The following VPS13B variants were observed in gnomAD, a reference collection of about 807,000 sequenced individuals.
VPS13B encodes the protein vacuolar protein sorting 13 homolog B, also known as intermembrane lipid transfer protein VPS13B.
In VPS13B, 285 loss-of-function variants were observed where a neutral mutation model predicts 426.4. The ratio of observed to expected loss-of-function variants is 0.67; its 90% CI spans 0.61 to 0.74. The LOEUF (loss-of-function observed/expected upper bound fraction) is 0.74. VPS13B is among the 30% of genes least tolerant of loss of function. The pLI, the probability that VPS13B is intolerant of heterozygous loss-of-function variation, is 0.00. For missense variants in VPS13B, 4,537 were observed against 4,782.6 expected (o/e 0.95, Z 1.51); for synonymous variants, 1,676 against 1,676.4 (o/e 1.00, Z 0.01).
intron 3 of VPS13B, among the ~76,000 whole-genome samples, chr8:99,067,332 T>C (rs1470247995): frequency 6.6e-6 from 1 of 152,210 alleles, no homozygotes; most frequent in Middle Eastern, 3.2e-3. Context: ...GATGAGTTCA[T>C]GTCCTTTGTA....
chr8:99,560,892 A>G (rs1824882026), intron 31 of VPS13B, among the ~76,000 whole-genome samples: 2 of 152,196 alleles, frequency 1.3e-5, no homozygotes, highest in African/African-American at 4.8e-5. Flanking sequence ...CACAAATTCT[A>G]TCATAACAAA....
chr8:99,786,070 G>A (rs1246957857), intron 43 of VPS13B, among the ~76,000 whole-genome samples: 6 of 152,128 alleles, frequency 3.9e-5, no homozygotes, highest in Admixed American at 2.6e-4. Context: ...CTGGACACTG[G>A]AGCCAGGATG....
chr8:99,153,399 T>C (rs1014381755), intron 14 of VPS13B, among the ~76,000 whole-genome samples: 1 of 152,188 alleles, frequency 6.6e-6, no homozygotes, highest in African/African-American at 2.4e-5. Context: ...CCGCTCTTTT[T>C]TGGCCTTTTG....
intron 17 of VPS13B, among the ~76,000 whole-genome samples, chr8:99,231,699 A>C (rs996189403): frequency 2.0e-5 from 3 of 152,144 alleles, no homozygotes; most frequent in African/African-American, 7.2e-5. Context: ...AAAATCTCTA[A>C]GAGAAACACA....
intron 39 of VPS13B, among the ~76,000 whole-genome samples, chr8:99,750,205 A>G (rs1810324313): frequency 6.6e-6 from 1 of 152,140 alleles, no homozygotes; most frequent in Admixed American, 6.6e-5. Context: ...AAAGACCTTA[A>G]GTTGAACTCT....
At chr8:99,105,567 C>T (rs565257298) in intron 5 of VPS13B, among the ~76,000 whole-genome samples, 3 of 152,064 alleles carry the variant, frequency 2.0e-5, no homozygotes, top group East Asian at 1.9e-4. Flanking sequence ...TTGGTAGAGA[C>T]GGGGTTTCAC....
At chr8:99,517,294 C>G (rs956185151) in intron 29 of VPS13B, among the ~76,000 whole-genome samples, 12 of 152,100 alleles carry the variant, frequency 7.9e-5, no homozygotes, top group Admixed American at 2.0e-4. Context: ...CATGAAAATT[C>G]TGGTCTTTAT....
chr8:99,848,958 A>T, intron 55 of VPS13B, 64 bp downstream of exon 55: 1 of 1,430,316 alleles, frequency 7.0e-7, no homozygotes, highest in Non-Finnish European at 9.9e-7. Context: ...TTGTAAACTT[A>T]GTATTTATCT....
Position 99,807,913 on chromosome 8 carries a change from C to T in VPS13B, c.7942-1462C>T, listed in dbSNP as rs542757925. ...AAAAGCCCTATCTTAACATCGAAAA[C>T]GTATGTTGTGATGACCTTGGGAATT... On this transcript the variant is annotated intron_variant, in intron 43 of 61. Transcript: ENST00000357162. 1.5e-4 allele frequency among the ~76,000 whole-genome samples: 21 copies of T among 140,660 alleles called. 1 individual carries two copies. The highest frequency in any genetic ancestry group is 2.3e-4 in the South Asian group (1 of 4,346). The allele number at this position is 140,660 out of a possible 152,430, so 92.3% of individuals were successfully genotyped here.
chr8:99,556,630 C>G lies in VPS13B; in HGVS notation c.4926C>G (p.Ala1642=). The G allele has an allele frequency of 2.5e-6, 4 of 1,612,882 alleles. No homozygotes were observed. The highest frequency in any genetic ancestry group is 3.4e-6 in the Non-Finnish European group (4 of 1,179,382). ...TETERNSQNP[A]LEWNMASSIR... ...CTGAAAGGAATTCTCAAAATCCAGC[C>G]CTTGAGTGGAATATGGCCAGCAGGT... The change falls in exon 31 of 62, where the codon GCC becomes GCG. Residue 1642 remains alanine (A), a synonymous_variant. Coordinates refer to ENST00000357162, the MANE Select transcript of VPS13B (RefSeq NM_152564.5).
At chr8:99,071,365 C>T (rs1381093588) in intron 3 of VPS13B, among the ~76,000 whole-genome samples, 7 of 152,040 alleles carry the variant, frequency 4.6e-5, no homozygotes, top group Non-Finnish European at 1.0e-4. Flanking sequence ...AGAAGTATTG[C>T]CTTTGTGGTC....
At chr8:99,685,077 A>G (rs572543970) in intron 35 of VPS13B, among the ~76,000 whole-genome samples, 3 of 152,274 alleles carry the variant, frequency 2.0e-5, no homozygotes, top group Non-Finnish European at 4.4e-5. Context: ...CTGGGATTAC[A>G]GGTATGAGCC....
At chr8:99,082,721 C>T (rs1452935779) in intron 3 of VPS13B, among the ~76,000 whole-genome samples, 4 of 152,140 alleles carry the variant, frequency 2.6e-5, no homozygotes, top group South Asian at 2.1e-4. Context: ...AATAGGGAAT[C>T]GTTTCCCCAT....
In VPS13B at chr8:99,854,182, C is replaced by A; in HGVS notation, c.10793C>A (p.Pro3598His). 1 of 1,613,950 alleles carries A rather than the reference C, an allele frequency of 6.2e-7. No individual in the cohort carries two copies. Among genetic ancestry groups the A allele is most frequent in the Non-Finnish European group, 8.5e-7 (1 of 1,180,014 alleles). The change falls in exon 56 of 62, where the codon CCC becomes CAC. Residue 3598 changes from proline to histidine, a missense_variant. By Grantham distance (77) the Pro-to-His change is moderately conservative. Transcript: ENST00000357162. Reference protein sequence around the residue: ...PLSFSVFERGPIFTTARQLVH... With the variant: ...PLSFSVFERGHIFTTARQLVH... ...TCCTTCTCGGTGTTTGAAAGAGGAC[C>A]CATCTTCACCACTGCGAGGCAGCTT...
intron 15 of VPS13B, among the ~76,000 whole-genome samples, chr8:99,162,155 T>C (rs1811694911): frequency 6.6e-6 from 1 of 152,220 alleles, no homozygotes; most frequent in Non-Finnish European, 1.5e-5. Flanking sequence ...TAGAGAGTTT[T>C]TTTTTATACG....
At chr8:99,565,557 T>C (rs371096278) in intron 31 of VPS13B, among the ~76,000 whole-genome samples, 47 of 152,248 alleles carry the variant, frequency 3.1e-4, no homozygotes, top group African/African-American at 1.0e-3. Flanking sequence ...ATTTCTAGCT[T>C]TATTTCTGAG....
intron 21 of VPS13B, among the ~76,000 whole-genome samples, chr8:99,409,740 C>T (rs1815522654): frequency 6.6e-6 from 1 of 152,084 alleles, no homozygotes; most frequent in East Asian, 1.9e-4. Flanking sequence ...AAGTTAACAT[C>T]CGGACTACAT....
chr8:99,756,194 A>G (rs1321087347), intron 39 of VPS13B, among the ~76,000 whole-genome samples: 1 of 152,234 alleles, frequency 6.6e-6, no homozygotes, highest in Non-Finnish European at 1.5e-5. Context: ...CAGAATTGAA[A>G]AGTGTAATAA....
chr8:99,420,546 A>G (rs1816311081), intron 21 of VPS13B, among the ~76,000 whole-genome samples: 1 of 152,158 alleles, frequency 6.6e-6, no homozygotes, highest in South Asian at 2.1e-4. Context: ...ATTCTATCTA[A>G]TTGGTGGCAT....
Sources: gnomAD v4.1 joint callset for allele counts (sites outside exome capture counted in the v4.1 genomes callset) on GRCh38, gnomAD v4.1.1 for gene constraint, MANE v1.5 for transcripts, NCBI Gene and HGNC (gene_info 2026-07-23, HGNC 2026-07-21) for gene names.